The following CDH12 variants were observed in gnomAD, a reference collection of about 807,000 sequenced individuals.
CDH12 encodes the protein cadherin-12.
CDH12 carries 41 observed loss-of-function variants against 74.1 expected under a neutral mutation model. That is an observed-to-expected ratio of 0.55 (90% CI 0.43 to 0.72). The LOEUF (loss-of-function observed/expected upper bound fraction) is 0.72. Ranked by LOEUF, CDH12 falls within the 30% of genes least tolerant of loss-of-function variation. CDH12 has a pLI of 0.00. For synonymous variants in CDH12, 399 were observed against 355.0 expected, an observed-to-expected ratio of 1.12 and a Z score of -1.39; for missense variants, 945 against 977.2, an observed-to-expected ratio of 0.97 and a Z score of 0.44.
chr5:22,341,511 A>T (rs1486094006), intron 3 of CDH12, among the ~76,000 whole-genome samples: 1 of 152,160 alleles, frequency 6.6e-6, no homozygotes, highest in East Asian at 1.9e-4. Flanking sequence ...CATGATTTTG[A>T]TTATGACCTA....
intron 1 of CDH12, among the ~76,000 whole-genome samples, chr5:22,540,265 GA>G (rs2126717975): frequency 6.6e-6 from 1 of 151,902 alleles, no homozygotes. Flanking sequence ...TGAGTTTGTT[GA>G]TTCTATATCA....
At chr5:22,734,490 A>G (rs1744585317) in intron 1 of CDH12, among the ~76,000 whole-genome samples, 2 of 152,110 alleles carry the variant, frequency 1.3e-5, no homozygotes, top group South Asian at 4.1e-4. Context: ...TTTTCACATT[A>G]TCTAATTAAG....
At chr5:22,109,580 G>A (rs1561120532) in intron 4 of CDH12, among the ~76,000 whole-genome samples, 1 of 152,170 alleles carries the variant, frequency 6.6e-6, no homozygotes, top group East Asian at 1.9e-4. Flanking sequence ...ATGCTAAGCT[G>A]TTAGCTCACA....
chr5:22,473,891 T>C (rs890725232), intron 2 of CDH12, among the ~76,000 whole-genome samples: 1 of 152,134 alleles, frequency 6.6e-6, no homozygotes, highest in Non-Finnish European at 1.5e-5. Flanking sequence ...GGGTTGAAAT[T>C]CAATCTGAGT....
chr5:22,080,692 CT>C (rs368025431), intron 4 of CDH12, among the ~76,000 whole-genome samples: 39 of 151,428 alleles, frequency 2.6e-4, no homozygotes, highest in East Asian at 7.8e-4. Context: ...AGGAAGGTAT[CT>C]TTTTTTTTAT....
intron 4 of CDH12, among the ~76,000 whole-genome samples, chr5:22,173,364 TATA>T (rs1366963231): frequency 6.8e-6 from 1 of 146,488 alleles, no homozygotes; most frequent in Non-Finnish European, 1.5e-5. Context: ...TTTATATAAT[TATA>T]ATACATACAC....
intron 1 of CDH12, among the ~76,000 whole-genome samples, chr5:22,550,769 T>G (rs1012263147): frequency 6.6e-6 from 1 of 152,184 alleles, no homozygotes; most frequent in African/African-American, 2.4e-5. Flanking sequence ...TTTGTTGTCT[T>G]TCCTTTGCAA....
intron 1 of CDH12, among the ~76,000 whole-genome samples, chr5:22,512,376 T>C (rs1736648933): frequency 6.6e-6 from 1 of 151,980 alleles, no homozygotes; most frequent in Non-Finnish European, 1.5e-5. Context: ...TGTGGGGTGG[T>C]GGTAAAAAAA....
intron 3 of CDH12, among the ~76,000 whole-genome samples, chr5:22,261,452 C>G (rs1580457038): frequency 6.6e-6 from 1 of 151,906 alleles, no homozygotes; most frequent in Admixed American, 6.6e-5. Context: ...ATGACCAGAT[C>G]ACAGATATTG....
chr5:22,722,777 A>G (rs1384396923), intron 1 of CDH12, among the ~76,000 whole-genome samples: 1 of 152,192 alleles, frequency 6.6e-6, no homozygotes, highest in Non-Finnish European at 1.5e-5. Context: ...ATAAAAGAAG[A>G]ATGAATGTGC....
chr5:22,172,671 A>G (rs1457397042), intron 4 of CDH12, among the ~76,000 whole-genome samples: 1 of 151,860 alleles, frequency 6.6e-6, no homozygotes, highest in African/African-American at 2.4e-5. Flanking sequence ...TAAACAGGGA[A>G]GAGGGATGTC....
intron 1 of CDH12, among the ~76,000 whole-genome samples, chr5:22,714,144 T>C (rs1283421649): frequency 6.6e-6 from 1 of 152,238 alleles, no homozygotes; most frequent in Non-Finnish European, 1.5e-5. Context: ...AGAGCTAATA[T>C]TCAAGCAAAA....
intron 1 of CDH12, among the ~76,000 whole-genome samples, chr5:22,590,663 A>T (rs1442915070): frequency 6.6e-6 from 1 of 152,212 alleles, no homozygotes; most frequent in East Asian, 1.9e-4. Context: ...AAGAATGCAA[A>T]TTAAATTACT....
At chr5:22,094,342 T>C (rs528857217) in intron 4 of CDH12, among the ~76,000 whole-genome samples, 1 of 152,322 alleles carries the variant, frequency 6.6e-6, no homozygotes, top group South Asian at 2.1e-4. Context: ...ATAGATACTA[T>C]GCTGCTCTTT....
chr5:22,415,508 T>C (rs558832302), intron 2 of CDH12, among the ~76,000 whole-genome samples: 13 of 152,334 alleles, frequency 8.5e-5, no homozygotes, highest in Admixed American at 7.8e-4. Context: ...AGTTCTTACA[T>C]AGTGTGATTT....
At chr5:22,316,139 A>G (rs1430524729) in intron 3 of CDH12, among the ~76,000 whole-genome samples, 1 of 152,124 alleles carries the variant, frequency 6.6e-6, no homozygotes, top group Non-Finnish European at 1.5e-5. Context: ...TGAGCCAGAA[A>G]CGAATGACAT....
intron 6 of CDH12, among the ~76,000 whole-genome samples, chr5:21,929,260 C>G (rs1408399179): frequency 1.3e-5 from 2 of 151,870 alleles, no homozygotes; most frequent in Non-Finnish European, 2.9e-5. Context: ...TTACTGTGCT[C>G]TTTATTTCTA....
At chr5:22,001,511 A>G (rs550586046) in intron 5 of CDH12, among the ~76,000 whole-genome samples, 8 of 151,976 alleles carry the variant, frequency 5.3e-5, no homozygotes, top group African/African-American at 9.7e-5. Context: ...TCTATTTTTT[A>G]ACTTTTAGGT....
intron 2 of CDH12, among the ~76,000 whole-genome samples, chr5:22,444,083 T>C (rs941179171): frequency 1.3e-5 from 2 of 152,088 alleles, no homozygotes; most frequent in Admixed American, 1.3e-4. Flanking sequence ...AATGATAACA[T>C]TGATATTTTT....
Sources: gnomAD v4.1 joint callset for allele counts (sites outside exome capture counted in the v4.1 genomes callset) on GRCh38, gnomAD v4.1.1 for gene constraint, MANE v1.5 for transcripts, NCBI Gene and HGNC (gene_info 2026-07-23, HGNC 2026-07-21) for gene names.